The following EZR variants were observed in gnomAD, a reference collection of about 807,000 sequenced individuals.
The protein encoded by EZR is cytovillin 2.
EZR carries 40 observed loss-of-function variants against 74.8 expected under a neutral mutation model. The ratio of observed to expected loss-of-function variants is 0.53; its 90% CI spans 0.42 to 0.70. EZR has a LOEUF of 0.70. Ranked by LOEUF, EZR falls within the 30% of genes least tolerant of loss-of-function variation. The pLI is 0.00. For missense variants in EZR, 678 were observed against 755.8 expected, an observed-to-expected ratio of 0.90 and a Z score of 1.21; for synonymous variants, 341 against 283.3, an observed-to-expected ratio of 1.20 and a Z score of -2.05.
At chr6:158,819,223 CACCTGCCGCCGA>C (rs1200560418) in intron 1 of EZR, 82 bp downstream of exon 1, 2 of 153,044 alleles carry the variant, frequency 1.3e-5, no homozygotes, top group African/African-American at 4.8e-5. Context: ...CTGCCCGCCG[CACCTGCCGCCGA>C]ACCCCGCCGC....
At chr6:158,803,606 CATATATATATATAT>C (rs60330512) in intron 2 of EZR, among the ~76,000 whole-genome samples, 2,163 of 36,002 alleles carry the variant, frequency 0.06, 224 homozygotes, top group African/African-American at 0.12. Context: ...TATATATATA[CATATATATATATAT>C]ATATACATAT....
chr6:158,793,035 G>A (rs1791785174), intron 2 of EZR, among the ~76,000 whole-genome samples: 1 of 151,700 alleles, frequency 6.6e-6, no homozygotes, highest in South Asian at 2.1e-4. Context: ...CTAAAGATCA[G>A]GGAGGCCAGG....
intron 2 of EZR, among the ~76,000 whole-genome samples, chr6:158,797,779 T>C (rs890598170): frequency 2.0e-5 from 3 of 152,252 alleles, no homozygotes; most frequent in Admixed American, 2.0e-4. Context: ...GACAAAACTG[T>C]ATATTTTTCC....
chr6:158,812,094 AAGAATATTAT>A (rs1562508400), intron 2 of EZR, among the ~76,000 whole-genome samples: 1 of 152,222 alleles, frequency 6.6e-6, no homozygotes, highest in Non-Finnish European at 1.5e-5. Flanking sequence ...CTCAAGTCAG[AAGAATATTAT>A]GTTGAATGGC....
chr6:158,793,916 T>G (rs1402327221), intron 2 of EZR, among the ~76,000 whole-genome samples: 1 of 152,148 alleles, frequency 6.6e-6, no homozygotes, highest in Non-Finnish European at 1.5e-5. Flanking sequence ...AAATGAGACA[T>G]TCACTGAGAT....
intron 2 of EZR, among the ~76,000 whole-genome samples, chr6:158,796,049 G>A (rs887753840): frequency 1.3e-5 from 2 of 152,182 alleles, no homozygotes; most frequent in South Asian, 2.1e-4. Flanking sequence ...CAGTAGAGGT[G>A]TAAGTACCCC....
At chr6:158,773,240 A>G (rs1050354693) in intron 8 of EZR, among the ~76,000 whole-genome samples, 3 of 152,234 alleles carry the variant, frequency 2.0e-5, no homozygotes, top group Admixed American at 6.5e-5. Flanking sequence ...TAACATAACA[A>G]TGTCTCCCTC....
At chr6:158,813,119 T>C (rs761746382) in intron 2 of EZR, among the ~76,000 whole-genome samples, 13 of 152,216 alleles carry the variant, frequency 8.5e-5, no homozygotes, top group South Asian at 2.1e-4. Flanking sequence ...TTACAAGGCA[T>C]GGCCTGACCT....
chr6:158,766,892 G>C lies in EZR; in HGVS notation c.*22C>G. The C allele has an allele frequency of 6.2e-7, 1 of 1,611,296 alleles. No homozygotes were observed. Among genetic ancestry groups the C allele is most frequent in the Non-Finnish European group, 8.5e-7 (1 of 1,178,078 alleles). ...CAGCGCCCGCTATGAGCACCCCTCT[G>C]CCCTTGGTCCTGGCCTGGCTGTTAC... is the stretch of plus-strand genomic sequence containing the variant. On this transcript the variant is annotated 3_prime_UTR_variant, in exon 14 of 14. Transcript: ENST00000367075.
rs1362254379 is a variant in EZR at position 158,770,898 on chromosome 6, G to A, written c.960-4C>T. The A allele has an allele frequency of 2.5e-6, 4 of 1,613,986 alleles. No homozygotes were observed. In the South Asian group the frequency reaches 3.3e-5, roughly 13 times the overall value. ...CTTCTCTGTTTCCAGCTGTTGCCTG[G>A]TGCAGGGAAAAAGAGGCACAGGGAG... On this transcript the variant is annotated splice_region_variant and splice_polypyrimidine_tract_variant and intron_variant, in intron 9 of 13. Transcript: ENST00000367075.
At chr6:158,774,952 T>C (rs963766099) in intron 8 of EZR, among the ~76,000 whole-genome samples, 1 of 151,798 alleles carries the variant, frequency 6.6e-6, no homozygotes, top group African/African-American at 2.4e-5. Context: ...CCTTAGAGTC[T>C]GCATTCAATA....
At chr6:158,787,316 T>C (rs945160544) in intron 3 of EZR, 113 bp from the exon 4 acceptor site, 1 of 745,118 alleles carries the variant, frequency 1.3e-6, no homozygotes, top group South Asian at 1.7e-5. Context: ...AACCAGGACA[T>C]CTGCTCAGTC....
rs1491363320 is a variant in EZR, at chr6:158,766,622, CAG to C, written c.*290_*291del. ...ACAGGCCAGCATGAAGTTTCTTACT[CAG>C]ACTTTACAGGCATTTTCCGTAATTC... On this transcript the variant is annotated 3_prime_UTR_variant, in exon 14 of 14. Coordinates refer to ENST00000367075, the MANE Select transcript of EZR (RefSeq NM_001111077.2). The C allele has an allele frequency of 5.5e-6, 2 of 363,476 alleles. No individual in the cohort carries two copies. The highest frequency in any genetic ancestry group is 9.9e-6 in the Non-Finnish European group (2 of 201,944). The allele number at this position is 363,476 out of a possible 1,614,324, so 22.5% of individuals were successfully genotyped here. A position where few individuals can be genotyped will look rare whatever the true frequency, so the allele number is the denominator to read the frequency against.
chr6:158,766,809 G>C lies in EZR; in HGVS notation c.*105C>G. ...TGGGTAACTGCTTTCTAAAGGAACT[G>C]GGATCTGAGGGAGTTCCTAGACTTG... On this transcript the variant is annotated 3_prime_UTR_variant, in exon 14 of 14. Transcript: ENST00000367075. 8.9e-7 allele frequency: 1 copy of C among 1,122,154 alleles called. No individual in the cohort carries two copies. The highest frequency in any genetic ancestry group is 1.3e-6 in the Non-Finnish European group (1 of 776,132). 69.5% of individuals were successfully genotyped at this position (1,122,154 alleles called of 1,614,324 possible).
At chr6:158,785,059 A>G (rs1791534912) in intron 5 of EZR, among the ~76,000 whole-genome samples, 1 of 152,226 alleles carries the variant, frequency 6.6e-6, no homozygotes, top group Non-Finnish European at 1.5e-5. Flanking sequence ...GGAGCTGAGC[A>G]GTCAGGTCGA....
At position 158,796,672 on chromosome 6, in the gene EZR, C is replaced by T. The variant is rs543344946; in HGVS notation, c.13-7301G>A. Among the ~76,000 whole-genome samples the T allele has an allele frequency of 8.5e-5, 13 of 152,300 alleles. No individual in the cohort carries two copies. In the South Asian group the frequency reaches 2.3e-3, roughly 27 times the overall value. On this transcript the variant is annotated intron_variant, in intron 2 of 13. Coordinates refer to ENST00000367075, the MANE Select transcript of EZR (RefSeq NM_001111077.2). ...CTGTGGGGGCAGTGTTTGGAGGTCA[C>T]GTAACTCTGCAGTGGTTAAGGTGGG...
chr6:158,795,620 G>A (rs910571439), intron 2 of EZR, among the ~76,000 whole-genome samples: 1 of 152,150 alleles, frequency 6.6e-6, no homozygotes, highest in Non-Finnish European at 1.5e-5. Flanking sequence ...CAGGCACCTC[G>A]ATGGGCACTG....
chr6:158,807,522 T>C (rs1281866214), intron 2 of EZR, among the ~76,000 whole-genome samples: 4 of 152,192 alleles, frequency 2.6e-5, no homozygotes, highest in African/African-American at 9.6e-5. Context: ...AAACAAGTTC[T>C]TGAAGAAAGA....
chr6:158,799,375 C>G lies in EZR; in HGVS notation c.13-10004G>C, dbSNP rs1777144650. ...GTGCCCGGGCGGCAGGGGGCAGAAC[C>G]TGCCATCAGGAAAACGCAAAAGGAC... is the stretch of plus-strand genomic sequence containing the variant. On this transcript the variant is annotated intron_variant, in intron 2 of 13. Coordinates refer to ENST00000367075, the MANE Select transcript of EZR (RefSeq NM_001111077.2). Among the ~76,000 whole-genome samples the G allele has an allele frequency of 3.3e-5, 5 of 152,218 alleles. No homozygotes were observed. The South Asian group carries it at 1.0e-3, about 31-fold the overall frequency.
Sources: allele counts gnomAD v4.1 joint callset (sites outside exome capture counted in the v4.1 genomes callset), GRCh38; gene constraint gnomAD v4.1.1; transcripts MANE v1.5; gene names NCBI Gene and HGNC (gene_info 2026-07-23, HGNC 2026-07-21).